MGMT: variants seen among roughly 807,000 people sequenced by gnomAD.
MGMT encodes the protein O-6-methylguanine-DNA methyltransferase.
In MGMT, 14 loss-of-function variants were observed where a neutral mutation model predicts 15.9. The observed-to-expected ratio is 0.88, with a 90% CI of 0.58 to 1.37. The LOEUF (loss-of-function observed/expected upper bound fraction) is 1.37. MGMT is among the 40% of genes most tolerant of loss of function. MGMT has a pLI of 0.00. For missense variants in MGMT, 282 were observed against 268.1 expected (o/e 1.05, Z -0.36); for synonymous variants, 130 against 118.2 (o/e 1.10, Z -0.65).
At chr10:129,663,932 A>G (rs1214921441) in intron 2 of MGMT, among the ~76,000 whole-genome samples, 1 of 152,220 alleles carries the variant, frequency 6.6e-6, no homozygotes, top group Non-Finnish European at 1.5e-5. Flanking sequence ...AAGCATAAGA[A>G]ATGAAGGGAA....
intron 1 of MGMT, among the ~76,000 whole-genome samples, chr10:129,514,210 G>C (rs888028658): frequency 3.9e-5 from 6 of 152,188 alleles, no homozygotes; most frequent in Admixed American, 3.9e-4. Flanking sequence ...TTTTCCTCGT[G>C]ATAGTGAGAA....
At chr10:129,473,078 C>T (rs1845250611) in intron 1 of MGMT, among the ~76,000 whole-genome samples, 1 of 152,192 alleles carries the variant, frequency 6.6e-6, no homozygotes, top group South Asian at 2.1e-4. Flanking sequence ...CACTGGGAGC[C>T]TTGACATTAT....
chr10:129,753,201 A>G (rs1345330950), intron 3 of MGMT, among the ~76,000 whole-genome samples: 1 of 152,148 alleles, frequency 6.6e-6, no homozygotes, highest in East Asian at 1.9e-4. Flanking sequence ...CCACATTCAA[A>G]TGACTGTTGC....
At chr10:129,744,665 C>T (rs964791107) in intron 3 of MGMT, among the ~76,000 whole-genome samples, 1 of 152,220 alleles carries the variant, frequency 6.6e-6, no homozygotes, top group African/African-American at 2.4e-5. Context: ...GAGAGCCAGC[C>T]AGTGGGGCTG....
At position 129,751,096 on chromosome 10, in the gene MGMT, G is replaced by A. The variant is rs559626662; in HGVS notation, c.275-8106G>A. ...ACTTTAGAAAATGTTCCTTTCTCTG[G>A]AAAAAATTATGTCAAATCAATCTTA... is the stretch of plus-strand genomic sequence containing the variant. On this transcript the variant is annotated intron_variant, in intron 3 of 4. Transcript: ENST00000651593. Among the ~76,000 whole-genome samples the A allele has an allele frequency of 3.2e-4, 48 of 151,988 alleles. 1 individual carries two copies. Among genetic ancestry groups the A allele is most frequent in the South Asian group, 1.7e-3 (8 of 4,820 alleles).
At chr10:129,615,655 G>A (rs545282001) in intron 2 of MGMT, among the ~76,000 whole-genome samples, 21 of 152,244 alleles carry the variant, frequency 1.4e-4, no homozygotes, top group South Asian at 8.3e-4. Flanking sequence ...TTTGGTTGGC[G>A]TGGATGAGAG....
chr10:129,713,496 G>A (rs1418223065), intron 3 of MGMT, among the ~76,000 whole-genome samples: 3 of 152,238 alleles, frequency 2.0e-5, no homozygotes, highest in East Asian at 1.9e-4. Context: ...TGGCAGGCCC[G>A]CGGGTTTCCA....
chr10:129,653,132 T>C (rs1190180350), intron 2 of MGMT, among the ~76,000 whole-genome samples: 3 of 152,212 alleles, frequency 2.0e-5, no homozygotes, highest in Non-Finnish European at 2.9e-5. Context: ...ACACAGCCTT[T>C]CCTTGTCTTT....
intron 1 of MGMT, among the ~76,000 whole-genome samples, chr10:129,489,618 G>T (rs1762421): frequency 0.75 from 113,144 of 151,730 alleles, 42,317 homozygotes; most frequent in Middle Eastern, 0.8. Flanking sequence ...TGCACTCTCT[G>T]TCTCTCTTGG....
chr10:129,470,236 C>T (rs1762435), intron 1 of MGMT, among the ~76,000 whole-genome samples: 148,634 of 152,286 alleles, frequency 0.98, 72,651 homozygotes, highest in Non-Finnish European at 1. Context: ...TGTGAACCTA[C>T]GCTGTTAGCT....
chr10:129,703,274 A>G (rs2133137385), intron 2 of MGMT, among the ~76,000 whole-genome samples: 1 of 152,356 alleles, frequency 6.6e-6, no homozygotes, highest in South Asian at 2.1e-4. Context: ...TTCTTCAAAT[A>G]TCCCTTTAAG....
At chr10:129,638,828 A>G (rs1031909093) in intron 2 of MGMT, among the ~76,000 whole-genome samples, 3 of 152,194 alleles carry the variant, frequency 2.0e-5, no homozygotes, top group Admixed American at 6.5e-5. Flanking sequence ...ACGCCACTCA[A>G]AGGTTATCCA....
intron 2 of MGMT, among the ~76,000 whole-genome samples, chr10:129,671,488 T>G (rs1200243214): frequency 6.6e-6 from 1 of 152,190 alleles, no homozygotes; most frequent in African/African-American, 2.4e-5. Context: ...TGTTTATGTC[T>G]TGTCTGTGGC....
chr10:129,690,069 C>T (rs77587603), intron 2 of MGMT, among the ~76,000 whole-genome samples: 13,932 of 152,242 alleles, frequency 0.092, 922 homozygotes, highest in Admixed American at 0.18. Flanking sequence ...TGAAATTCCC[C>T]CTCTGTCCTT....
chr10:129,749,595 T>C (rs1340529702), intron 3 of MGMT, among the ~76,000 whole-genome samples: 1 of 152,112 alleles, frequency 6.6e-6, no homozygotes, highest in Non-Finnish European at 1.5e-5. Flanking sequence ...CACAGGCAGG[T>C]TTTTGTGAGG....
intron 2 of MGMT, among the ~76,000 whole-genome samples, chr10:129,629,871 C>T (rs185332105): frequency 6.6e-6 from 1 of 152,278 alleles, no homozygotes; most frequent in African/African-American, 2.4e-5. Flanking sequence ...TCCTAGTGAG[C>T]ACAGAATTAC....
At chr10:129,471,616 G>A (rs1447540947) in intron 1 of MGMT, among the ~76,000 whole-genome samples, 3 of 152,092 alleles carry the variant, frequency 2.0e-5, no homozygotes, top group Non-Finnish European at 2.9e-5. Context: ...GTGGAGGAGC[G>A]TTTGAGGGTG....
At chr10:129,682,330 C>A (rs1160554280) in intron 2 of MGMT, among the ~76,000 whole-genome samples, 1 of 152,038 alleles carries the variant, frequency 6.6e-6, no homozygotes, top group Non-Finnish European at 1.5e-5. Context: ...AAGCAGCCAA[C>A]TATTGATACA....
intron 2 of MGMT, among the ~76,000 whole-genome samples, chr10:129,619,336 T>G (rs935909885): frequency 1.1e-4 from 17 of 152,190 alleles, no homozygotes; most frequent in Admixed American, 4.6e-4. Flanking sequence ...TGCATACATC[T>G]CTCTGTATAT....
Sources: gnomAD v4.1 joint callset for allele counts (sites outside exome capture counted in the v4.1 genomes callset) on GRCh38, gnomAD v4.1.1 for gene constraint, MANE v1.5 for transcripts, NCBI Gene and HGNC (gene_info 2026-07-23, HGNC 2026-07-21) for gene names.